Variants in AFF2 observed in about 807,000 individuals in gnomAD.
AFF2 encodes the protein ALF transcription elongation factor 2, also known as AF4/FMR2 family member 2.
AFF2 carries 14 observed loss-of-function variants against 76.9 expected under a neutral mutation model. The observed-to-expected ratio is 0.18, with a 90% CI of 0.12 to 0.28. The LOEUF is 0.28. AFF2 is among the 10% of genes least tolerant of loss of function. The pLI, the probability that AFF2 is intolerant of heterozygous loss-of-function variation, is 1.00. For missense variants in AFF2, 868 were observed against 1,001.1 expected (o/e 0.87, Z 1.79); for synonymous variants, 398 against 366.7 (o/e 1.09, Z -0.98).
intron 7 of AFF2, among the ~76,000 whole-genome samples, chrX:148,875,114 C>G (rs2071021495): frequency 8.9e-6 from 1 of 111,992 alleles, no homozygotes; most frequent in Admixed American, 9.5e-5. Flanking sequence ...CAGCCAAGTG[C>G]ATCAACATAA....
At chrX:148,643,535 TA>T (rs1254842189) in intron 1 of AFF2, among the ~76,000 whole-genome samples, 1 of 111,857 alleles carries the variant, frequency 8.9e-6, no homozygotes, top group African/African-American at 3.3e-5. Flanking sequence ...AGGTCAGAAC[TA>T]AAGTTATTTT....
intron 1 of AFF2, among the ~76,000 whole-genome samples, chrX:148,535,927 G>A (rs1451972634): frequency 1.8e-5 from 2 of 112,236 alleles, no homozygotes; most frequent in African/African-American, 6.5e-5. Context: ...CTTCTGCCTA[G>A]AGTGCCCCCC....
rs782267925 is a variant in AFF2 at position 148,662,736 on chromosome X, C to T, written c.1009C>T (p.Leu337=). 5 of 1,210,412 alleles carry T rather than the reference C, an allele frequency of 4.1e-6. No homozygotes were observed. The highest frequency in any genetic ancestry group is 2.3e-4 in the Middle Eastern group (1 of 4,343). The change falls in exon 3 of 21, where the codon CTG becomes TTG. Residue 337 remains leucine (L), a synonymous_variant. Transcript: ENST00000370460. ...CAGTGCAGCCAGTTCAAAGACTAAA[C>T]TGCCAAAGTTCACCATCCTCCAAAC... ...KPSAASSKTK[L]PKFTILQTSE... is the part of the protein sequence containing the mutation.
chrX:148,854,753 C>G (rs1396911305), intron 7 of AFF2, among the ~76,000 whole-genome samples: 1 of 111,651 alleles, frequency 9.0e-6, no homozygotes, highest in Non-Finnish European at 1.9e-5. Flanking sequence ...GTGAGTGGCA[C>G]TTGCAATTTC....
intron 7 of AFF2, among the ~76,000 whole-genome samples, chrX:148,882,739 G>A (rs894005527): frequency 9.0e-6 from 1 of 111,593 alleles, no homozygotes. Context: ...ATAATCCTAC[G>A]CTTTCCCTAG....
intron 9 of AFF2, among the ~76,000 whole-genome samples, chrX:148,919,340 G>T (rs2071566457): frequency 9.0e-6 from 1 of 110,588 alleles, no homozygotes; most frequent in South Asian, 3.9e-4. Context: ...GTCATTCAAA[G>T]AATAAAGAAT....
At chrX:148,658,089 G>T (rs2054270929) in intron 2 of AFF2, among the ~76,000 whole-genome samples, 1 of 111,657 alleles carries the variant, frequency 9.0e-6, no homozygotes, top group Non-Finnish European at 1.9e-5. Context: ...TTACTCTGGC[G>T]ACCTGGACTG....
At chrX:148,885,536 C>G (rs896410872) in intron 7 of AFF2, among the ~76,000 whole-genome samples, 1 of 111,154 alleles carries the variant, frequency 9.0e-6, no homozygotes, top group Non-Finnish European at 1.9e-5. Flanking sequence ...CTCTGAGCAC[C>G]TTGTCCTGTA....
At chrX:148,907,692 C>T (rs368451775) in intron 9 of AFF2, among the ~76,000 whole-genome samples, 108 of 111,424 alleles carry the variant, frequency 9.7e-4, no homozygotes, top group African/African-American at 3.0e-3. Context: ...GGAGGCAGGG[C>T]GAGATCACAG....
intron 1 of AFF2, among the ~76,000 whole-genome samples, chrX:148,646,768 A>C (rs1293297102): frequency 9.0e-6 from 1 of 111,673 alleles, no homozygotes; most frequent in Admixed American, 9.5e-5. Context: ...TCCTGACATT[A>C]AATATGGCTG....
intron 20 of AFF2, among the ~76,000 whole-genome samples, chrX:148,990,479 T>A (rs2072521478): frequency 8.9e-6 from 1 of 112,300 alleles, no homozygotes; most frequent in Admixed American, 9.4e-5. Context: ...ATCATATAGT[T>A]TTTCCCACAT....
At chrX:148,592,364 A>G (rs1027145855) in intron 1 of AFF2, among the ~76,000 whole-genome samples, 8 of 110,558 alleles carry the variant, frequency 7.2e-5, no homozygotes, top group Non-Finnish European at 1.3e-4. Context: ...TGGCCATTTT[A>G]GTCATTTTCC....
intron 3 of AFF2, among the ~76,000 whole-genome samples, chrX:148,763,448 G>A (rs2069475800): frequency 9.1e-6 from 1 of 110,260 alleles, no homozygotes; most frequent in Non-Finnish European, 1.9e-5. Flanking sequence ...TGCTGCAGGG[G>A]TAATTTCTTA....
intron 1 of AFF2, among the ~76,000 whole-genome samples, chrX:148,576,023 C>G (rs1333769170): frequency 9.0e-6 from 1 of 111,030 alleles, no homozygotes; most frequent in Admixed American, 9.7e-5. Context: ...GCAAGTTTAG[C>G]TATGACAAGA....
chrX:148,966,110 G>A (rs1202243265), intron 13 of AFF2, among the ~76,000 whole-genome samples: 3 of 111,710 alleles, frequency 2.7e-5, no homozygotes, highest in Non-Finnish European at 5.6e-5. Flanking sequence ...ATTTGATTTT[G>A]GACCTGGTAG....
chrX:148,628,888 CA>C (rs1477968021), intron 1 of AFF2, among the ~76,000 whole-genome samples: 1 of 112,088 alleles, frequency 8.9e-6, no homozygotes, highest in Non-Finnish European at 1.9e-5. Flanking sequence ...TTGACTCTAA[CA>C]TTTTTTTTAT....
intron 7 of AFF2, among the ~76,000 whole-genome samples, chrX:148,885,375 G>A (rs782025696): frequency 5.4e-5 from 6 of 111,066 alleles, no homozygotes; most frequent in Non-Finnish European, 9.4e-5. Flanking sequence ...GCTCTTTTGC[G>A]GCCACCCAGC....
chrX:148,545,068 TTATTC>T (rs2052904525), intron 1 of AFF2, among the ~76,000 whole-genome samples: 2 of 112,331 alleles, frequency 1.8e-5, no homozygotes, highest in African/African-American at 6.5e-5. Context: ...GATATTTATT[TTATTC>T]TATGAGTTAT....
intron 3 of AFF2, among the ~76,000 whole-genome samples, chrX:148,717,296 G>T (rs1016673403): frequency 6.2e-5 from 7 of 112,009 alleles, no homozygotes; most frequent in Admixed American, 2.8e-4. Flanking sequence ...TAGGCTAACT[G>T]AAAGAGGTTT....
Sources: gnomAD v4.1 joint callset for allele counts (sites outside exome capture counted in the v4.1 genomes callset) on GRCh38, gnomAD v4.1.1 for gene constraint, MANE v1.5 for transcripts, NCBI Gene and HGNC (gene_info 2026-07-23, HGNC 2026-07-21) for gene names.